ZDHHC16: variants seen among roughly 807,000 people sequenced by gnomAD.
ZDHHC16 encodes zDHHC palmitoyltransferase 16, also known as palmitoyltransferase ZDHHC16.
ZDHHC16 carries 33 observed loss-of-function variants against 54.4 expected under a neutral mutation model. The observed-to-expected ratio is 0.61, with a 90% CI of 0.46 to 0.81. The LOEUF (loss-of-function observed/expected upper bound fraction) is 0.81. ZDHHC16 is among the 30% of genes least tolerant of loss of function. The pLI, the probability that ZDHHC16 is intolerant of heterozygous loss-of-function variation, is 0.00. For synonymous variants in ZDHHC16, 185 were observed against 182.1 expected (o/e 1.02, Z -0.13); for missense variants, 420 against 485.9 (o/e 0.86, Z 1.28).
rs1846872556 is a variant in ZDHHC16 at position 97,453,675 on chromosome 10, AG to A, written c.690+14del. ...ATGCTGCCATTGAGGTGAGCTCATC[AG>A]GAACAGGGCAGCTCAGTAGTGCAGA... On this transcript the variant is annotated intron_variant, in intron 7 of 11. Transcript: ENST00000393760. The A allele has an allele frequency of 1.9e-6, 3 of 1,614,080 alleles. No homozygotes were observed. The highest frequency in any genetic ancestry group is 1.3e-5 in the African/African-American group (1 of 74,930).
chr10:97,449,926 C>T, intron 1 of ZDHHC16, among the ~76,000 whole-genome samples: 1 of 129,870 alleles, frequency 7.7e-6, no homozygotes, highest in Admixed American at 9.0e-5. Context: ...CTGCGGACTG[C>T]AGTGGCGCAA....
intron 5 of ZDHHC16, 163 bp from the exon 6 acceptor site, chr10:97,452,732 A>G: frequency 8.9e-6 from 9 of 1,014,348 alleles, no homozygotes; most frequent in Non-Finnish European, 1.4e-5. Flanking sequence ...CCAATATCTT[A>G]TAGCCATTAA....
Position 97,456,934 on chromosome 10 carries a change from CTA to C in ZDHHC16, c.*45_*46del, listed in dbSNP as rs893517805. The stretch of plus-strand genomic sequence containing the variant: ...ACGACTCGAGCACTCATTCTGCTCC[CTA>C]TGTTATTTCAAGGGCCTCCAAGGGC... On this transcript the variant is annotated 3_prime_UTR_variant, in exon 12 of 12. Transcript: ENST00000393760. 18 of 1,482,830 alleles carry C rather than the reference CTA, an allele frequency of 1.2e-5. No individual in the cohort carries two copies. The highest frequency in any genetic ancestry group is 3.5e-4 in the Middle Eastern group (2 of 5,680). 91.9% of individuals were successfully genotyped at this position (1,482,830 alleles called of 1,614,324 possible). A position where few individuals can be genotyped will look rare whatever the true frequency, so the allele number is the denominator to read the frequency against.
At chr10:97,453,477 G>A in intron 6 of ZDHHC16, 53 bp from the exon 7 acceptor site, 1 of 1,596,392 alleles carries the variant, frequency 6.3e-7, no homozygotes, top group Non-Finnish European at 8.5e-7. Context: ...TGAGGGGCCT[G>A]GACACCGCCT....
intron 3 of ZDHHC16, 62 bp from the exon 4 acceptor site, chr10:97,452,028 T>A (rs1846680008): frequency 1.2e-6 from 2 of 1,605,090 alleles, no homozygotes; most frequent in Non-Finnish European, 1.7e-6. Flanking sequence ...CCAGGGAAAC[T>A]CCGAGTCTCC....
In ZDHHC16 at chr10:97,451,927, T is replaced by C. The variant is rs950686350; in HGVS notation, c.243+9T>C. On this transcript the variant is annotated intron_variant, in intron 3 of 11. Transcript: ENST00000393760. ...TCCGCTGGTTTGGAGTGGTGAGTGATGTCCAGGGAGCAGGAAAAGGGGTGT... is the reference window on the plus strand; with the variant it reads ...TCCGCTGGTTTGGAGTGGTGAGTGACGTCCAGGGAGCAGGAAAAGGGGTGT... The C allele has an allele frequency of 1.9e-6, 3 of 1,604,418 alleles. No individual in the cohort carries two copies. Among genetic ancestry groups the C allele is most frequent in the African/African-American group, 2.7e-5 (2 of 74,812 alleles).
At position 97,452,189 on chromosome 10, in the gene ZDHHC16, C is replaced by T. The variant is rs768954768; in HGVS notation, c.343C>T (p.Leu115Phe). ...CCTCCGAACCTACTCAGTGCCACGA[C>T]TCTGCTGGCATTTCTTCTATAGCCA... ...LILRTYSVPRLCWHFFYSHWN... is the reference protein window; with the variant it reads ...LILRTYSVPRFCWHFFYSHWN... Residue 115 changes from leucine to phenylalanine, a missense_variant, in exon 4 of 12, where the codon CTC becomes TTC. Physicochemically the swap from Leu to Phe is conservative, Grantham distance 22. Coordinates refer to ENST00000393760, the MANE Select transcript of ZDHHC16 (RefSeq NM_198046.3). The T allele has an allele frequency of 4.3e-6, 7 of 1,614,026 alleles. No individual in the cohort carries two copies. The South Asian group carries it at 6.6e-5, about 15-fold the overall frequency.
intron 1 of ZDHHC16, among the ~76,000 whole-genome samples, chr10:97,446,750 G>T (rs1346698714): frequency 3.3e-5 from 5 of 152,070 alleles, no homozygotes; most frequent in African/African-American, 9.7e-5. Context: ...GAGGAGTCTC[G>T]CTCTGTCGCC....
intron 11 of ZDHHC16, 50 bp from the exon 12 acceptor site, chr10:97,456,727 G>T (rs761321948): frequency 7.3e-7 from 1 of 1,379,192 alleles, no homozygotes; most frequent in South Asian, 1.3e-5. Context: ...TGATGATTGG[G>T]AAGGACCAAG....
At position 97,451,729 on chromosome 10, in the gene ZDHHC16, CCTT is replaced by C. The variant is rs1846635933; in HGVS notation, c.57_59del (p.Leu22del). The C allele has an allele frequency of 5.0e-6, 8 of 1,613,460 alleles. No individual in the cohort carries two copies. Among genetic ancestry groups the C allele is most frequent in the Non-Finnish European group, 6.8e-6 (8 of 1,180,052 alleles). On this transcript the variant is annotated inframe_deletion, in exon 3 of 12. Transcript: ENST00000393760. ...GCCCGGCCCGCCTCTGCCTCCGCCT[CCTT>C]CTGCTGCTGGGTTACAGGCGCCGCT...
intron 1 of ZDHHC16, among the ~76,000 whole-genome samples, chr10:97,449,468 T>A (rs1476779284): frequency 1.3e-5 from 2 of 152,202 alleles, no homozygotes; most frequent in Admixed American, 1.3e-4. Context: ...TCTACTATTT[T>A]AAAAATTCAT....
In ZDHHC16 at chr10:97,451,899, T is replaced by C; in HGVS notation, c.224T>C (p.Val75Ala). 1 of 1,612,702 alleles carries C rather than the reference T, an allele frequency of 6.2e-7. No homozygotes were observed. Among genetic ancestry groups the C allele is most frequent in the Non-Finnish European group, 8.5e-7 (1 of 1,179,166 alleles). The change falls in exon 3 of 12, where the codon GTG becomes GCG. Residue 75 changes from valine (V) to alanine (A), a missense_variant. By Grantham distance (64) the Val-to-Ala change is moderately conservative. Transcript: ENST00000393760. ...CCTGTCTACTGGCTGGTAGACAACG[T>C]GATCCGCTGGTTTGGAGTGGTGAGT... is the stretch of plus-strand genomic sequence containing the variant. ...FEPVYWLVDN[V>A]IRWFGVVFVV...
chr10:97,455,728 G>A lies in ZDHHC16; in HGVS notation c.893G>A (p.Ser298Asn). ...HAVLISRGET[S>N]IERHINKKER... ...GTTCTCATCAGTCGAGGTGAGACTA[G>A]CATCGAAAGGCACATCAACAAGAAG... Residue 298 changes from serine to asparagine, a missense_variant, in exon 10 of 12, where the codon AGC becomes AAC. Coordinates refer to ENST00000393760, the MANE Select transcript of ZDHHC16 (RefSeq NM_198046.3). 6.2e-7 allele frequency: 1 copy of A among 1,614,202 alleles called. No individual in the cohort carries two copies. The highest frequency in any genetic ancestry group is 8.5e-7 in the Non-Finnish European group (1 of 1,180,030).
chr10:97,449,757 T>C (rs966490385), intron 1 of ZDHHC16, among the ~76,000 whole-genome samples: 1 of 152,068 alleles, frequency 6.6e-6, no homozygotes, highest in Non-Finnish European at 1.5e-5. Flanking sequence ...CTCAAACTCC[T>C]GACCTCAAGT....
intron 5 of ZDHHC16, 57 bp from the exon 6 acceptor site, chr10:97,452,838 C>T: frequency 1.2e-6 from 2 of 1,611,448 alleles, no homozygotes; most frequent in Non-Finnish European, 1.7e-6. Flanking sequence ...GAAGGATTGG[C>T]ACTGACATCT....
intron 11 of ZDHHC16, 58 bp downstream of exon 11, chr10:97,456,102 T>TA (rs1413880551): frequency 7.6e-6 from 12 of 1,575,380 alleles, no homozygotes; most frequent in African/African-American, 2.7e-5. Flanking sequence ...GAGAAAGATG[T>TA]TCTATGCCTG....
intron 8 of ZDHHC16, 97 bp downstream of exon 8, chr10:97,453,943 G>T: frequency 6.5e-7 from 1 of 1,536,742 alleles, no homozygotes. Context: ...AGTTGTAGAG[G>T]CTGCCGAGAG....
chr10:97,453,029 TGA>T (rs1846795658), intron 6 of ZDHHC16, 106 bp downstream of exon 6: 1 of 1,458,588 alleles, frequency 6.9e-7, no homozygotes, highest in Admixed American at 1.7e-5. Context: ...ACACTGGAGT[TGA>T]GGAGTTGTGG....
intron 7 of ZDHHC16, 63 bp from the exon 8 acceptor site, chr10:97,453,736 G>A: frequency 6.2e-7 from 1 of 1,614,116 alleles, no homozygotes; most frequent in Non-Finnish European, 8.5e-7. Context: ...TAAGGAATGG[G>A]GCTGGTAGCA....
Sources: allele counts gnomAD v4.1 joint callset (sites outside exome capture counted in the v4.1 genomes callset), GRCh38; gene constraint gnomAD v4.1.1; transcripts MANE v1.5; gene names NCBI Gene and HGNC (gene_info 2026-07-23, HGNC 2026-07-21).